Variants in PWWP3B observed in about 807,000 individuals in gnomAD.
PWWP3B encodes the protein PWWP domain-containing DNA repair factor 3B.
A neutral mutation model predicts 15.7 loss-of-function variants in PWWP3B; 5 were observed. The ratio of observed to expected loss-of-function variants is 0.32; its 90% CI spans 0.17 to 0.67. The LOEUF is 0.67. Ranked by LOEUF, PWWP3B falls within the 30% of genes least tolerant of loss-of-function variation. The pLI is 0.74. For missense variants in PWWP3B, 519 were observed against 493.1 expected (o/e 1.05, Z -0.50); for synonymous variants, 203 against 179.8 (o/e 1.13, Z -1.03).
intron 2 of PWWP3B, among the ~76,000 whole-genome samples, chrX:106,189,774 C>T (rs1283800527): frequency 1.8e-5 from 2 of 109,368 alleles, no homozygotes; most frequent in Admixed American, 9.7e-5. Context: ...CCTGCTACCA[C>T]GCCCGGCTAA....
At chrX:106,171,982 G>A (rs1485159796) in intron 2 of PWWP3B, among the ~76,000 whole-genome samples, 3 of 111,187 alleles carry the variant, frequency 2.7e-5, no homozygotes, top group Admixed American at 1.9e-4. Context: ...AGATTAAAAA[G>A]TATAGTAAGT....
intron 2 of PWWP3B, among the ~76,000 whole-genome samples, chrX:106,191,935 C>A (rs780558684): frequency 1.8e-5 from 2 of 111,426 alleles, no homozygotes; most frequent in African/African-American, 6.5e-5. Context: ...CTGCTGGATC[C>A]GATTTGCCAG....
intron 2 of PWWP3B, among the ~76,000 whole-genome samples, chrX:106,173,248 G>A (rs1221533553): frequency 1.8e-5 from 2 of 111,201 alleles, no homozygotes; most frequent in African/African-American, 6.6e-5. Flanking sequence ...AACTCAGAGG[G>A]TTGCAAAAGG....
intron 2 of PWWP3B, among the ~76,000 whole-genome samples, chrX:106,201,930 C>G (rs1012995765): frequency 8.9e-6 from 1 of 111,990 alleles, no homozygotes; most frequent in Non-Finnish European, 1.9e-5. Flanking sequence ...ATTTTTGTAT[C>G]TTCCAATGCT....
At chrX:106,176,696 T>C (rs1178768573) in intron 2 of PWWP3B, among the ~76,000 whole-genome samples, 2 of 112,516 alleles carry the variant, frequency 1.8e-5, no homozygotes, top group Non-Finnish European at 3.7e-5. Context: ...TAAGAATTTT[T>C]TTGTTTCCAA....
intron 2 of PWWP3B, among the ~76,000 whole-genome samples, chrX:106,181,136 G>A (rs1922170468): frequency 1.8e-5 from 2 of 112,004 alleles, no homozygotes; most frequent in South Asian, 3.8e-4. Flanking sequence ...TGGTCTCGCT[G>A]ACTTCAAGAA....
rs200360009 is a variant in PWWP3B at position 106,205,522 on chromosome X, G to T, written c.90G>T (p.Lys30Asn). The change falls in exon 4 of 4, where the codon AAG (lysine) becomes AAT (asparagine). Residue 30 changes from lysine (K) to asparagine (N), a missense_variant. Lys to Asn is a moderately conservative substitution (Grantham distance 94, BLOSUM62 0). Coordinates refer to ENST00000357175, the MANE Select transcript of PWWP3B (RefSeq NM_001171020.2). The stretch of plus-strand genomic sequence containing the variant: ...GATCTGAAACTTCATCAAACAGTAA[G>T]AGGAAAAAGGCATTTTCTCTAGAAG... ...LSRSETSSNSKRKKAFSLEVQ... is the reference protein window; with the variant it reads ...LSRSETSSNSNRKKAFSLEVQ... 1.9e-4 allele frequency: 234 copies of T among 1,200,851 alleles called. No homozygotes were observed. The highest frequency in any genetic ancestry group is 2.5e-4 in the Non-Finnish European group (220 of 890,484).
chrX:106,208,478 C>A lies in PWWP3B; in HGVS notation c.*955C>A, dbSNP rs1436262248. ...AAAAGGCAAGCACTTTGTTCTGAGT[C>A]TTTTATCTCCAAATACATAGTTGTC... On this transcript the variant is annotated 3_prime_UTR_variant, in exon 4 of 4. Coordinates refer to ENST00000357175, the MANE Select transcript of PWWP3B (RefSeq NM_001171020.2). 2 of 123,938 alleles carry A rather than the reference C, an allele frequency of 1.6e-5. No individual in the cohort carries two copies. The highest frequency in any genetic ancestry group is 3.7e-5 in the Non-Finnish European group (2 of 53,431). 10.2% of individuals were successfully genotyped at this position (123,938 alleles called of 1,213,427 possible). A position where few individuals can be genotyped will look rare whatever the true frequency, so the allele number is the denominator to read the frequency against.
rs774351142 is a variant in PWWP3B, at chrX:106,206,354, G to T, written c.922G>T (p.Ala308Ser). Residue 308 changes from alanine (A) to serine (S), a missense_variant, in exon 4 of 4, where the codon GCA becomes TCA. Coordinates refer to ENST00000357175, the MANE Select transcript of PWWP3B (RefSeq NM_001171020.2). ...CATGGAATCAGAGATGGGGGCTGCA[G>T]CATGCCCTGGGAGTTGTTCAAGGGA... ...PSMESEMGAA[A>S]CPGSCSRECE... 3.1e-5 allele frequency: 37 copies of T among 1,201,812 alleles called. No homozygotes were observed. The highest frequency in any genetic ancestry group is 4.6e-4 in the Middle Eastern group (2 of 4,305).
chrX:106,190,287 A>T (rs1296224112), intron 2 of PWWP3B, among the ~76,000 whole-genome samples: 1 of 112,222 alleles, frequency 8.9e-6, no homozygotes, highest in Admixed American at 9.4e-5. Context: ...CATTTCTCTG[A>T]TGGCCAGTAA....
intron 2 of PWWP3B, among the ~76,000 whole-genome samples, chrX:106,184,072 G>A (rs1350695844): frequency 1.8e-5 from 2 of 111,867 alleles, no homozygotes; most frequent in African/African-American, 6.5e-5. Flanking sequence ...GAACCACCAA[G>A]GTTTGTTTGT....
intron 1 of PWWP3B, among the ~76,000 whole-genome samples, chrX:106,170,036 C>T (rs1921533139): frequency 9.0e-6 from 1 of 111,596 alleles, no homozygotes; most frequent in Admixed American, 9.5e-5. Flanking sequence ...ATATTTTAAC[C>T]TTCTATGTAT....
At chrX:106,176,728 A>G (rs1327529001) in intron 2 of PWWP3B, among the ~76,000 whole-genome samples, 1 of 112,344 alleles carries the variant, frequency 8.9e-6, no homozygotes, top group Non-Finnish European at 1.9e-5. Flanking sequence ...TCAGATACCT[A>G]CATATCTCTT....
At chrX:106,185,273 A>T (rs1035702355) in intron 2 of PWWP3B, among the ~76,000 whole-genome samples, 2 of 111,496 alleles carry the variant, frequency 1.8e-5, no homozygotes, top group African/African-American at 6.5e-5. Context: ...GATACATTTC[A>T]AGTGTGAGCC....
Position 106,206,800 on chromosome X carries a change from C to A in PWWP3B, c.1368C>A (p.Asp456Glu). 1 of 1,211,209 alleles carries A rather than the reference C, an allele frequency of 8.3e-7. No homozygotes were observed. Among genetic ancestry groups the A allele is most frequent in the African/African-American group, 1.7e-5 (1 of 57,780 alleles). Residue 456 changes from aspartate (D) to glutamate (E), a missense_variant, in exon 4 of 4, where the codon GAC (aspartate) becomes GAA (glutamate). Coordinates refer to ENST00000357175, the MANE Select transcript of PWWP3B (RefSeq NM_001171020.2). The stretch of plus-strand genomic sequence containing the variant: ...GTAAAGAGAAACAAATGCTAGTGGA[C>A]AAAGCCAGGGAGGATTATAGTGAGA... The part of the protein sequence containing the change: ...FDCKEKQMLV[D>E]KAREDYSESI...
At chrX:106,184,818 G>T (rs999604259) in intron 2 of PWWP3B, among the ~76,000 whole-genome samples, 3 of 111,240 alleles carry the variant, frequency 2.7e-5, no homozygotes, top group Non-Finnish European at 5.7e-5. Context: ...CCCAGGTTGG[G>T]CCAAATTCCC....
chrX:106,199,430 T>G (rs767754410), intron 2 of PWWP3B, among the ~76,000 whole-genome samples: 3 of 111,531 alleles, frequency 2.7e-5, no homozygotes, highest in Non-Finnish European at 5.7e-5. Context: ...CAGAGAGGCT[T>G]TGGTAAGATA....
chrX:106,187,030 A>G (rs1922558083), intron 2 of PWWP3B, among the ~76,000 whole-genome samples: 2 of 111,869 alleles, frequency 1.8e-5, no homozygotes, highest in African/African-American at 3.3e-5. Context: ...TCCCCACTCG[A>G]CCCAGGAAGT....
intron 2 of PWWP3B, among the ~76,000 whole-genome samples, chrX:106,189,199 A>G (rs1296849003): frequency 3.6e-5 from 4 of 111,627 alleles, no homozygotes; most frequent in Admixed American, 9.5e-5. Flanking sequence ...AATATTAGCT[A>G]TTCCTTTTTT....
Sources: gnomAD v4.1 joint callset for allele counts (sites outside exome capture counted in the v4.1 genomes callset) on GRCh38, gnomAD v4.1.1 for gene constraint, MANE v1.5 for transcripts, NCBI Gene and HGNC (gene_info 2026-07-23, HGNC 2026-07-21) for gene names.